PFKFB3: variants seen among roughly 807,000 people sequenced by gnomAD.
The protein encoded by PFKFB3 is 6-phosphofructo-2-kinase/fructose-2,6-bisphosphatase 3.
PFKFB3 carries 33 observed loss-of-function variants against 68.0 expected under a neutral mutation model. The observed-to-expected ratio is 0.49, with a 90% CI of 0.37 to 0.65. PFKFB3 has a LOEUF of 0.65. Ranked by LOEUF, PFKFB3 falls within the 30% of genes least tolerant of loss-of-function variation. The pLI is 0.00. For missense variants in PFKFB3, 586 were observed against 712.2 expected (o/e 0.82, Z 2.02); for synonymous variants, 315 against 288.2 (o/e 1.09, Z -0.94).
intron 1 of PFKFB3, among the ~76,000 whole-genome samples, chr10:6,146,058 T>C (rs4747890): frequency 0.57 from 86,178 of 151,930 alleles, 24,650 homozygotes; most frequent in East Asian, 0.64. Context: ...AGGGGTTGAG[T>C]TCTGGTGATG....
At chr10:6,156,129 A>ATGTGTGTATGTGTGTG (rs373582528) in intron 1 of PFKFB3, among the ~76,000 whole-genome samples, 15 of 96,988 alleles carry the variant, frequency 1.5e-4, no homozygotes, top group African/African-American at 4.0e-4. Context: ...GTACATATAT[A>ATGTGTGTATGTGTGTG]TGTGTGTGTG....
chr10:6,299,166 C>T, the PFKFB3 span, among the ~76,000 whole-genome samples: 1 of 152,216 alleles, frequency 6.6e-6, no homozygotes, highest in South Asian at 2.1e-4. Flanking sequence ...TAATGGCTCA[C>T]TCTCCTAGGG....
At chr10:6,320,349 G>T in the PFKFB3 span, among the ~76,000 whole-genome samples, 1 of 152,268 alleles carries the variant, frequency 6.6e-6, no homozygotes, top group East Asian at 1.9e-4. Flanking sequence ...TAAAAAAATG[G>T]AAAAATGAAG....
In PFKFB3 at chr10:6,212,206, G is replaced by C. The variant is rs1279646255; in HGVS notation, c.77-1417G>C. The stretch of plus-strand genomic sequence containing the variant: ...GTGCCGCCCAGGCGGGAGCTGGCGG[G>C]TATCATCTGGCCCTGGAGCTTGCAT... On this transcript the variant is annotated intron_variant, in intron 1 of 14. Transcript: ENST00000379775. Among the ~76,000 whole-genome samples, 3 of 152,376 alleles carry C rather than the reference G, an allele frequency of 2.0e-5. No individual in the cohort carries two copies. In the East Asian group the frequency reaches 5.8e-4, roughly 29 times the overall value.
At chr10:6,182,612 C>T (rs1276752086) in intron 1 of PFKFB3, among the ~76,000 whole-genome samples, 10 of 152,326 alleles carry the variant, frequency 6.6e-5, no homozygotes, top group South Asian at 4.1e-4. Flanking sequence ...GCGGGAGTGC[C>T]GGGATGTGGC....
the PFKFB3 span, among the ~76,000 whole-genome samples, chr10:6,286,067 T>TC: frequency 5.3e-4 from 72 of 134,870 alleles, no homozygotes; most frequent in African/African-American, 1.9e-3. Flanking sequence ...AAACTCCACC[T>TC]CCCGGGTTCA....
intron 14 of PFKFB3, among the ~76,000 whole-genome samples, chr10:6,230,771 A>G (rs912616269): frequency 6.0e-5 from 9 of 150,912 alleles, no homozygotes; most frequent in Non-Finnish European, 1.3e-4. Context: ...GCTGGAGTGC[A>G]GTGGCGCGAT....
chr10:6,177,473 TTTC>T (rs1254674450), intron 1 of PFKFB3, among the ~76,000 whole-genome samples: 5 of 146,476 alleles, frequency 3.4e-5, no homozygotes, highest in Admixed American at 2.8e-4. Context: ...TCTTTCTTTC[TTTC>T]TTTCTTTCTT....
At position 6,224,133 on chromosome 10, in the gene PFKFB3, A is replaced by G; in HGVS notation, c.1277-16A>G. The stretch of plus-strand genomic sequence containing the variant: ...TTTAACAGCAGCTTCCTCTGCCCCC[A>G]TCCCACGCCCTCCAGGCTGCCGTGT... On this transcript the variant is annotated splice_polypyrimidine_tract_variant and intron_variant, in intron 12 of 14. Coordinates refer to ENST00000379775, the MANE Select transcript of PFKFB3 (RefSeq NM_004566.4). The G allele has an allele frequency of 6.2e-7, 1 of 1,614,108 alleles. No homozygotes were observed. The highest frequency in any genetic ancestry group is 8.5e-7 in the Non-Finnish European group (1 of 1,179,974).
At chr10:6,145,034 G>A (rs1291183859) in intron 1 of PFKFB3, 2 of 1,326,976 alleles carry the variant, frequency 1.5e-6, no homozygotes, top group Non-Finnish European at 1.9e-6. Flanking sequence ...CGGTGACGCG[G>A]CCCACGCCCC....
chr10:6,164,442 C>T (rs1286562388), intron 1 of PFKFB3, among the ~76,000 whole-genome samples: 3 of 152,206 alleles, frequency 2.0e-5, no homozygotes, highest in East Asian at 1.9e-4. Context: ...CATGGCAGGA[C>T]TGGGCACACT....
At position 6,228,779 on chromosome 10, in the gene PFKFB3, G is replaced by C. The variant is rs1318790164; in HGVS notation, c.1515+2414G>C. 1.3e-5 allele frequency among the ~76,000 whole-genome samples: 2 copies of C among 152,180 alleles called. No individual in the cohort carries two copies. The highest frequency in any genetic ancestry group is 2.9e-5 in the Non-Finnish European group (2 of 68,028). ...AAAGAGCTCCGAGTGGAGACCCTTG[G>C]GGATCCGTTTGTCCTGGGTTGGAGC... On this transcript the variant is annotated intron_variant, in intron 14 of 14. Coordinates refer to ENST00000379775, the MANE Select transcript of PFKFB3 (RefSeq NM_004566.4). The surrounding 1 kb of genome is among the most constrained non-coding windows in gnomAD (Gnocchi z 4.5).
downstream of PFKFB3, among the ~76,000 whole-genome samples, chr10:6,259,324 C>CTGCT: frequency 6.6e-6 from 1 of 150,696 alleles, no homozygotes. Flanking sequence ...AACCATCCAT[C>CTGCT]CATCCATCTA....
chr10:6,165,636 A>G (rs1326298694), intron 1 of PFKFB3, among the ~76,000 whole-genome samples: 1 of 152,040 alleles, frequency 6.6e-6, no homozygotes, highest in Non-Finnish European at 1.5e-5. Flanking sequence ...CTCAGATGCA[A>G]GTTCTCATCT....
At chr10:6,216,583 TC>T in intron 4 of PFKFB3, 122 bp from the exon 5 acceptor site, 1 of 747,032 alleles carries the variant, frequency 1.3e-6, no homozygotes, top group Non-Finnish European at 2.3e-6. Flanking sequence ...AGGCACAAGC[TC>T]CCCTGAAGCA....
rs971079872 is a variant in PFKFB3, at chr10:6,154,840, G to A, written c.16+9827G>A. Among the ~76,000 whole-genome samples the A allele has an allele frequency of 1.4e-4, 22 of 152,222 alleles. No individual in the cohort carries two copies. The highest frequency in any genetic ancestry group is 1.1e-3 in the Admixed American group (17 of 15,282). ...ACGCTGGGAGCCAGGTGGCCGAGGC[G>A]GTCGAGGCCTGGGTTGTAGTGAGCT... is the stretch of plus-strand genomic sequence containing the variant. On this transcript the variant is annotated intron_variant, in intron 1 of 14. Coordinates refer to the PFKFB3 transcript ENST00000379789. This position sits in a 1 kb window ranked among gnomAD's most constrained non-coding sequence, Gnocchi z 4.6.
At chr10:6,221,348 T>G in intron 8 of PFKFB3, 33 bp from the exon 9 acceptor site, 1 of 1,611,942 alleles carries the variant, frequency 6.2e-7, no homozygotes, top group Non-Finnish European at 8.5e-7. Flanking sequence ...TGCGGGCATC[T>G]GGAATCAGTG....
At chr10:6,269,879 G>A in the PFKFB3 span, among the ~76,000 whole-genome samples, 7 of 151,898 alleles carry the variant, frequency 4.6e-5, no homozygotes, top group African/African-American at 9.7e-5. Context: ...GCTTGTAATC[G>A]CAGCACTTTG....
intron 1 of PFKFB3, among the ~76,000 whole-genome samples, chr10:6,148,872 A>G (rs1841485955): frequency 6.6e-6 from 1 of 151,578 alleles, no homozygotes; most frequent in South Asian, 2.1e-4. Context: ...AAGGCCAGGA[A>G]TTTGAGACCA....
Sources: gnomAD v4.1 joint callset for allele counts (sites outside exome capture counted in the v4.1 genomes callset) on GRCh38, gnomAD v4.1.1 for gene constraint, Gnocchi (gnomAD v3.1) non-coding constraint, MANE v1.5 for transcripts, NCBI Gene and HGNC (gene_info 2026-07-23, HGNC 2026-07-21) for gene names.